Variants in AAMDC observed in about 807,000 individuals in gnomAD.
The protein encoded by AAMDC is mth938 domain-containing protein.
In AAMDC, 16 loss-of-function variants were observed where a neutral mutation model predicts 15.5. That is an observed-to-expected ratio of 1.03 (90% CI 0.70 to 1.57). The LOEUF (loss-of-function observed/expected upper bound fraction) is 1.57. Ranked by LOEUF, AAMDC falls within the 40% of genes most tolerant of loss-of-function variation. The pLI is 0.00. For missense variants in AAMDC, 141 were observed against 144.9 expected, an observed-to-expected ratio of 0.97 and a Z score of 0.14; for synonymous variants, 51 against 51.6, an observed-to-expected ratio of 0.99 and a Z score of 0.05.
Position 77,821,172 on chromosome 11 carries a change from G to C in AAMDC, c.-88G>C, listed in dbSNP as rs1001252996. ...TGGGGAGCGCAGATCCCGAAGCAGC[G>C]CTGGGAGCGTAAGTGCGGGCAGAGC... On this transcript the variant is annotated 5_prime_UTR_variant, in exon 1 of 4. Transcript: ENST00000393427. 2.7e-6 allele frequency: 1 copy of C among 373,210 alleles called. No homozygotes were observed. The highest frequency in any genetic ancestry group is 4.8e-6 in the Non-Finnish European group (1 of 208,310). The allele number at this position is 373,210 out of a possible 1,614,324, so 23.1% of individuals were successfully genotyped here. A position where few individuals can be genotyped will look rare whatever the true frequency, so the allele number is the denominator to read the frequency against.
At chr11:77,867,555 T>C (rs1252029102) in intron 2 of AAMDC, among the ~76,000 whole-genome samples, 1 of 152,228 alleles carries the variant, frequency 6.6e-6, no homozygotes, top group Non-Finnish European at 1.5e-5. Flanking sequence ...AGTTAAGTTC[T>C]CAGTAAATGC....
chr11:77,873,140 T>A (rs1280322940), downstream of AAMDC, among the ~76,000 whole-genome samples: 1 of 152,230 alleles, frequency 6.6e-6, no homozygotes, highest in Non-Finnish European at 1.5e-5. Context: ...TAAAGAACTA[T>A]GGGCTTTGGT....
At chr11:77,852,631 C>T (rs1197063438) in intron 2 of AAMDC, among the ~76,000 whole-genome samples, 4 of 152,176 alleles carry the variant, frequency 2.6e-5, no homozygotes, top group African/African-American at 9.7e-5. Flanking sequence ...TTATTCACCT[C>T]CCTATCTCTT....
At chr11:77,903,280 C>T (rs1952833700), downstream of AAMDC, among the ~76,000 whole-genome samples, 2 of 152,246 alleles carry the variant, frequency 1.3e-5, no homozygotes, top group Non-Finnish European at 1.5e-5. Context: ...TATAGAGCTA[C>T]AGGAAGGCCT....
At chr11:77,886,585 A>G (rs567851789) in intron 5 of AAMDC, among the ~76,000 whole-genome samples, 1 of 152,346 alleles carries the variant, frequency 6.6e-6, no homozygotes, top group East Asian at 1.9e-4. Context: ...AGTGACGCAC[A>G]TGAATGGATG....
intron 2 of AAMDC, among the ~76,000 whole-genome samples, chr11:77,852,955 C>T (rs993448710): frequency 4.6e-5 from 7 of 152,104 alleles, no homozygotes; most frequent in African/African-American, 1.2e-4. Flanking sequence ...GATGGGTACT[C>T]GATTGCTTTC....
chr11:77,882,173 C>T (rs1257350000), intron 5 of AAMDC, among the ~76,000 whole-genome samples: 1 of 152,152 alleles, frequency 6.6e-6, no homozygotes, highest in Non-Finnish European at 1.5e-5. Context: ...ACCTCAGCCT[C>T]CCGAAGATTA....
At chr11:77,840,863 T>C (rs567223974) in intron 1 of AAMDC, among the ~76,000 whole-genome samples, 1 of 152,354 alleles carries the variant, frequency 6.6e-6, no homozygotes, top group African/African-American at 2.4e-5. Flanking sequence ...CCCCTGAAAG[T>C]TGTTCTTCTG....
downstream of AAMDC, chr11:77,903,554 C>T (rs1952844639): frequency 6.2e-7 from 1 of 1,613,788 alleles, no homozygotes. Context: ...TTCGCTGCTG[C>T]TGAGGCCAAA....
chr11:77,833,575 C>T (rs550900384), intron 1 of AAMDC, among the ~76,000 whole-genome samples: 1 of 152,298 alleles, frequency 6.6e-6, no homozygotes, highest in South Asian at 2.1e-4. Context: ...TGTTGTGCAG[C>T]CCAGTTCCTA....
At chr11:77,837,727 C>A (rs555702760) in intron 1 of AAMDC, among the ~76,000 whole-genome samples, 1 of 152,150 alleles carries the variant, frequency 6.6e-6, no homozygotes, top group Non-Finnish European at 1.5e-5. Context: ...TGAACCACCA[C>A]GCCCAGCCCT....
chr11:77,867,397 T>C (rs1266512043), intron 2 of AAMDC, among the ~76,000 whole-genome samples: 10 of 152,196 alleles, frequency 6.6e-5, no homozygotes, highest in African/African-American at 2.4e-4. Context: ...GTTTATTCAC[T>C]CTGTCTTCTG....
chr11:77,822,652 A>C (rs1948972131), intron 1 of AAMDC, among the ~76,000 whole-genome samples: 1 of 152,194 alleles, frequency 6.6e-6, no homozygotes, highest in Non-Finnish European at 1.5e-5. Context: ...CAATTTATCA[A>C]GAGAAAAATT....
intron 5 of AAMDC, among the ~76,000 whole-genome samples, chr11:77,880,116 G>A (rs1951734745): frequency 6.6e-6 from 1 of 152,218 alleles, no homozygotes; most frequent in South Asian, 2.1e-4. Context: ...GGAATGGAGT[G>A]AGCTTGGGAT....
intron 5 of AAMDC, chr11:77,884,702 A>G: frequency 3.9e-6 from 1 of 255,600 alleles, no homozygotes; most frequent in Non-Finnish European, 8.5e-6. Flanking sequence ...TTGCCCTATA[A>G]TCCTTCATCT....
Position 77,823,214 on chromosome 11 carries a change from CAAAAAAA to C in AAMDC, c.-19+1987_-19+1993del, listed in dbSNP as rs746182266. On this transcript the variant is annotated intron_variant, in intron 1 of 3. Transcript: ENST00000393427. The stretch of plus-strand genomic sequence containing the variant: ...TGGGCGACAGAGCAAGACTCCGTCT[CAAAAAAA>C]AAAAAAAAAAAAAGAAATTAAAATC... Among the ~76,000 whole-genome samples, 3 of 92,732 alleles carry C rather than the reference CAAAAAAA, an allele frequency of 3.2e-5. No individual in the cohort carries two copies. In the East Asian group the frequency reaches 9.0e-4, roughly 28 times the overall value. The allele number at this position is 92,732 out of a possible 152,430, so 60.8% of individuals were successfully genotyped here.
At chr11:77,903,646 A>G (rs1179017109), downstream of AAMDC, 1 of 1,582,430 alleles carries the variant, frequency 6.3e-7, no homozygotes, top group Non-Finnish European at 8.6e-7. Flanking sequence ...AGGAGGGAAC[A>G]GAATACCGAG....
chr11:77,842,911 C>A (rs1949994416), intron 2 of AAMDC, among the ~76,000 whole-genome samples: 1 of 152,200 alleles, frequency 6.6e-6, no homozygotes, highest in African/African-American at 2.4e-5. Flanking sequence ...CACATAACCA[C>A]TACCAGTCAG....
downstream of AAMDC, chr11:77,901,357 T>G: frequency 6.6e-7 from 1 of 1,525,450 alleles, no homozygotes; most frequent in Non-Finnish European, 9.1e-7. Flanking sequence ...GTGTGATGTC[T>G]GAATGCATTT....
Sources: gnomAD v4.1 joint callset for allele counts (sites outside exome capture counted in the v4.1 genomes callset) on GRCh38, gnomAD v4.1.1 for gene constraint, MANE v1.5 for transcripts, NCBI Gene and HGNC (gene_info 2026-07-23, HGNC 2026-07-21) for gene names.